Variants in RBFOX1 observed in about 807,000 individuals in gnomAD.
RBFOX1 encodes RNA binding fox-1 homolog 1.
A neutral mutation model predicts 57.7 loss-of-function variants in RBFOX1; 8 were observed. The observed-to-expected ratio is 0.14, with a 90% confidence interval of 0.08 to 0.25. The LOEUF is 0.25. Among genes scored for constraint, RBFOX1 ranks in the 10% least tolerant of loss-of-function variants. RBFOX1 has a pLI of 1.00. For missense variants in RBFOX1, 611 were observed against 548.5 expected (o/e 1.11, Z -1.14); for synonymous variants, 326 against 222.4 (o/e 1.47, Z -4.15).
At chr16:5,887,950 C>G (rs552736572) in intron 4 of RBFOX1, among the ~76,000 whole-genome samples, 5 of 152,224 alleles carry the variant, frequency 3.3e-5, no homozygotes, top group Non-Finnish European at 5.9e-5. Context: ...GGACCACACA[C>G]ACACATCAAA....
intron 4 of RBFOX1, among the ~76,000 whole-genome samples, chr16:7,061,889 A>G (rs1357491509): frequency 6.6e-6 from 1 of 152,182 alleles, no homozygotes; most frequent in Non-Finnish European, 1.5e-5. Flanking sequence ...GAAATAGGGC[A>G]GGAAGCAAAT....
At chr16:6,091,715 A>T (rs2096177542) in intron 1 of RBFOX1, among the ~76,000 whole-genome samples, 1 of 152,174 alleles carries the variant, frequency 6.6e-6, no homozygotes, top group Non-Finnish European at 1.5e-5. Flanking sequence ...CTGGAATCCC[A>T]GCTACCTGGG....
At chr16:7,013,946 C>T (rs1325179989) in intron 3 of RBFOX1, among the ~76,000 whole-genome samples, 7 of 152,262 alleles carry the variant, frequency 4.6e-5, no homozygotes, top group East Asian at 1.9e-4. Context: ...ATTTGAGCCA[C>T]GGCGCTTGGC....
chr16:7,441,942 T>G (rs913861978), intron 4 of RBFOX1, among the ~76,000 whole-genome samples: 74 of 152,352 alleles, frequency 4.9e-4, no homozygotes, highest in African/African-American at 1.8e-3. Context: ...AAGCTTTGCA[T>G]CTGCATTGGG....
At chr16:5,977,456 A>T (rs2060088082) in intron 4 of RBFOX1, among the ~76,000 whole-genome samples, 1 of 152,050 alleles carries the variant, frequency 6.6e-6, no homozygotes, top group Admixed American at 6.6e-5. Context: ...GGTGCAGGGG[A>T]GATTAGTTCG....
At chr16:5,329,912 G>C (rs899678746) in intron 1 of RBFOX1, among the ~76,000 whole-genome samples, 3 of 151,880 alleles carry the variant, frequency 2.0e-5, no homozygotes, top group South Asian at 2.1e-4. Flanking sequence ...GAATCCGGGA[G>C]GTGGAGCTTG....
At chr16:7,390,839 T>G (rs933155780) in intron 4 of RBFOX1, among the ~76,000 whole-genome samples, 1 of 151,996 alleles carries the variant, frequency 6.6e-6, no homozygotes, top group Non-Finnish European at 1.5e-5. Context: ...AACAATCGAG[T>G]TGTTTGCTGT....
intron 14 of RBFOX1, among the ~76,000 whole-genome samples, chr16:7,686,979 T>TCTTTCTGTTTAAG (rs2076202923): frequency 6.6e-6 from 1 of 152,068 alleles, no homozygotes; most frequent in Non-Finnish European, 1.5e-5. Context: ...GACCTTATCT[T>TCTTTCTGTTTAAG]CTTTCTGTTT....
In RBFOX1 at chr16:5,839,025, A is replaced by G. The variant is rs192563400; in HGVS notation, c.319-28278A>G. Reference sequence around the variant, plus strand: ...CAGCTCGCTGGGGAGTGCTCCTGGCATATAGAGTAGAGGCCAGGGATATTG... The same window carrying G: ...CAGCTCGCTGGGGAGTGCTCCTGGCGTATAGAGTAGAGGCCAGGGATATTG... On this transcript the variant is annotated intron_variant, in intron 3 of 19. Coordinates refer to the RBFOX1 transcript ENST00000641259. 1.2e-3 allele frequency among the ~76,000 whole-genome samples: 182 copies of G among 152,298 alleles called. 1 individual carries two copies. Among genetic ancestry groups the G allele is most frequent in the African/African-American group, 4.1e-3 (169 of 41,548 alleles).
intron 2 of RBFOX1, among the ~76,000 whole-genome samples, chr16:6,464,972 C>T (rs2095010427): frequency 6.6e-6 from 1 of 152,232 alleles, no homozygotes; most frequent in Non-Finnish European, 1.5e-5. Context: ...CTTACTAGCT[C>T]AGGTGAGTCT....
intron 14 of RBFOX1, chr16:7,693,251 C>A: frequency 7.0e-7 from 1 of 1,420,136 alleles, no homozygotes; most frequent in Non-Finnish European, 1.0e-6. Flanking sequence ...CACATCGAAG[C>A]AATTGGCAGA....
chr16:5,397,539 T>C (rs1454149001), intron 1 of RBFOX1, among the ~76,000 whole-genome samples: 3 of 152,176 alleles, frequency 2.0e-5, no homozygotes, highest in Non-Finnish European at 4.4e-5. Context: ...TACAGGGCCC[T>C]GCTAAAGACA....
At chr16:6,872,614 A>G (rs928886753) in intron 3 of RBFOX1, among the ~76,000 whole-genome samples, 1 of 152,190 alleles carries the variant, frequency 6.6e-6, no homozygotes, top group African/African-American at 2.4e-5. Context: ...TTAATGTGCA[A>G]CTACTTTGAA....
At chr16:7,443,820 G>A (rs1215088593) in intron 4 of RBFOX1, among the ~76,000 whole-genome samples, 1 of 152,138 alleles carries the variant, frequency 6.6e-6, no homozygotes, top group Non-Finnish European at 1.5e-5. Context: ...ACAGACAGAT[G>A]AACTATTTTA....
At chr16:6,718,198 A>G (rs1026785182) in intron 3 of RBFOX1, among the ~76,000 whole-genome samples, 5 of 152,236 alleles carry the variant, frequency 3.3e-5, no homozygotes, top group African/African-American at 1.2e-4. Context: ...GAAACTCACA[A>G]CATGAAATAA....
intron 2 of RBFOX1, among the ~76,000 whole-genome samples, chr16:6,432,257 C>T (rs184175876): frequency 2.6e-5 from 4 of 152,146 alleles, no homozygotes; most frequent in East Asian, 3.9e-4. Context: ...GTATGAGCCA[C>T]GTTGCTCACC....
intron 3 of RBFOX1, among the ~76,000 whole-genome samples, chr16:6,700,488 T>A (rs2061664015): frequency 1.3e-5 from 2 of 151,898 alleles, no homozygotes; most frequent in Non-Finnish European, 1.5e-5. Flanking sequence ...TGAAACCCTG[T>A]CTCTACTAAA....
intron 4 of RBFOX1, among the ~76,000 whole-genome samples, chr16:7,439,949 CTTT>C (rs144449326): frequency 6.7e-4 from 63 of 94,028 alleles, no homozygotes; most frequent in East Asian, 3.1e-3. Context: ...TCTTTTCTTT[CTTT>C]TTTTTTTTTT....
intron 2 of RBFOX1, among the ~76,000 whole-genome samples, chr16:6,362,101 C>G (rs1273029364): frequency 1.3e-5 from 2 of 152,068 alleles, no homozygotes; most frequent in Admixed American, 6.5e-5. Context: ...AACACATGAC[C>G]TTTCATTAAA....
Sources: allele counts gnomAD v4.1 joint callset (sites outside exome capture counted in the v4.1 genomes callset), GRCh38; gene constraint gnomAD v4.1.1; transcripts MANE v1.5; gene names NCBI Gene and HGNC (gene_info 2026-07-23, HGNC 2026-07-21).